The following CCDC91 variants were observed in gnomAD, a reference collection of about 807,000 sequenced individuals.
The protein encoded by CCDC91 is coiled-coil domain-containing protein 91.
Under a neutral mutation model 63.2 loss-of-function variants are expected in CCDC91, and 48 were observed. The ratio of observed to expected loss-of-function variants is 0.76; its 90% CI spans 0.60 to 0.97. The LOEUF (loss-of-function observed/expected upper bound fraction) is 0.97, where lower values mean the gene tolerates loss of function less well. Ranked by LOEUF, CCDC91 falls within the 50% of genes least tolerant of loss-of-function variation. The pLI is 0.00. For synonymous variants in CCDC91, 167 were observed against 165.8 expected, an observed-to-expected ratio of 1.01 and a Z score of -0.06; for missense variants, 500 against 494.6, an observed-to-expected ratio of 1.01 and a Z score of -0.10.
chr12:28,482,053 AC>A (rs1951475799), intron 11 of CCDC91, among the ~76,000 whole-genome samples: 2 of 151,896 alleles, frequency 1.3e-5, no homozygotes, highest in South Asian at 4.1e-4. Flanking sequence ...TTTGTAACTC[AC>A]CTGTTAGCAA....
chr12:28,251,895 T>C (rs1284789495), intron 1 of CCDC91, among the ~76,000 whole-genome samples: 2 of 152,160 alleles, frequency 1.3e-5, no homozygotes, highest in Non-Finnish European at 1.5e-5. Context: ...CTTTTCACTT[T>C]AGTTGGATCT....
intron 8 of CCDC91, among the ~76,000 whole-genome samples, chr12:28,397,952 G>A (rs542162452): frequency 6.6e-6 from 1 of 152,030 alleles, no homozygotes; most frequent in Non-Finnish European, 1.5e-5. Context: ...TATTCCCTTA[G>A]AGTTACAAGT....
Position 28,309,013 on chromosome 12 carries a change from C to A in CCDC91, c.576+1264C>A, listed in dbSNP as rs1006815250. ...GTTTACCCTCAGGTATTTATTTACACCAAGCTTTATAATAAGGTATAGGTG... is the reference window on the plus strand; with the variant it reads ...GTTTACCCTCAGGTATTTATTTACAACAAGCTTTATAATAAGGTATAGGTG... On this transcript the variant is annotated intron_variant, in intron 6 of 12. Transcript: ENST00000536442. 5.3e-5 allele frequency among the ~76,000 whole-genome samples: 8 copies of A among 151,922 alleles called. No individual in the cohort carries two copies. The East Asian group carries it at 1.2e-3, about 22-fold the overall frequency.
chr12:28,333,643 A>T (rs1326178252), intron 6 of CCDC91, among the ~76,000 whole-genome samples: 1 of 152,040 alleles, frequency 6.6e-6, no homozygotes, highest in Non-Finnish European at 1.5e-5. Flanking sequence ...CTTTCTAGAG[A>T]TACTCCTCAG....
At chr12:28,375,278 T>C (rs745474076) in intron 7 of CCDC91, among the ~76,000 whole-genome samples, 2 of 152,024 alleles carry the variant, frequency 1.3e-5, no homozygotes, top group Non-Finnish European at 2.9e-5. Flanking sequence ...TTAGGTATTA[T>C]CATTATCATT....
chr12:28,243,940 C>T (rs999104204), intron 1 of CCDC91, among the ~76,000 whole-genome samples: 1 of 152,202 alleles, frequency 6.6e-6, no homozygotes, highest in African/African-American at 2.4e-5. Flanking sequence ...ATAATCCTGA[C>T]ATCCAAATCA....
At chr12:28,401,148 T>A (rs1946597238) in intron 8 of CCDC91, among the ~76,000 whole-genome samples, 1 of 152,182 alleles carries the variant, frequency 6.6e-6, no homozygotes, top group Non-Finnish European at 1.5e-5. Flanking sequence ...GTTCGTTTCA[T>A]GCTGCTAATA....
intron 3 of CCDC91, among the ~76,000 whole-genome samples, chr12:28,279,972 C>G (rs921041534): frequency 1.1e-4 from 17 of 152,042 alleles, no homozygotes; most frequent in African/African-American, 4.1e-4. Flanking sequence ...TTAGATATAG[C>G]TCATATTTAT....
chr12:28,507,258 T>C (rs1938843653), intron 12 of CCDC91, among the ~76,000 whole-genome samples: 1 of 151,968 alleles, frequency 6.6e-6, no homozygotes, highest in African/African-American at 2.4e-5. Flanking sequence ...ATAATGAGCA[T>C]AATGTGGCTG....
At chr12:28,390,848 C>T (rs1945887322) in intron 7 of CCDC91, among the ~76,000 whole-genome samples, 1 of 151,902 alleles carries the variant, frequency 6.6e-6, no homozygotes, top group African/African-American at 2.4e-5. Context: ...CATGCTTGGC[C>T]CATGGGATAT....
intron 12 of CCDC91, among the ~76,000 whole-genome samples, chr12:28,490,832 T>C (rs1268584539): frequency 6.6e-6 from 1 of 151,852 alleles, no homozygotes. Context: ...TGTCTTGTTT[T>C]GCTCTTTTCA....
chr12:28,247,434 C>T (rs552738858), intron 1 of CCDC91, among the ~76,000 whole-genome samples: 1 of 148,506 alleles, frequency 6.7e-6, no homozygotes, highest in East Asian at 2.0e-4. Flanking sequence ...TAGCCGAGAC[C>T]GGGCCACTGC....
intron 12 of CCDC91, among the ~76,000 whole-genome samples, chr12:28,547,484 C>A (rs1943071128): frequency 6.6e-6 from 1 of 152,018 alleles, no homozygotes; most frequent in Admixed American, 6.6e-5. Context: ...GTGCCAGACC[C>A]CCTCTAGATG....
At chr12:28,308,134 C>CT (rs1475972349) in intron 6 of CCDC91, among the ~76,000 whole-genome samples, 1 of 151,864 alleles carries the variant, frequency 6.6e-6, no homozygotes, top group Non-Finnish European at 1.5e-5. Flanking sequence ...CCTAAATTTT[C>CT]TTATTTATTT....
intron 1 of CCDC91, among the ~76,000 whole-genome samples, chr12:28,202,571 C>G (rs761205254): frequency 1.6e-4 from 24 of 152,224 alleles, no homozygotes; most frequent in Non-Finnish European, 3.2e-4. Flanking sequence ...TGCTTGGAAG[C>G]AATGAGTCTC....
intron 12 of CCDC91, among the ~76,000 whole-genome samples, chr12:28,528,025 C>T (rs988850143): frequency 6.6e-6 from 1 of 152,194 alleles, no homozygotes; most frequent in African/African-American, 2.4e-5. Context: ...TGTTACCCAC[C>T]TCCCAGCTGT....
In CCDC91 at chr12:28,471,145, G is replaced by A. The variant is rs576988984; in HGVS notation, c.1102-12907G>A. Among the ~76,000 whole-genome samples the A allele has an allele frequency of 9.9e-5, 15 of 152,244 alleles. No individual in the cohort carries two copies. In the South Asian group the frequency reaches 3.1e-3, roughly 32 times the overall value. On this transcript the variant is annotated intron_variant, in intron 11 of 12. Transcript: ENST00000536442. ...AAGACATGAGTTTCTAGATAGACCT[G>A]TAACTAGGTTCATCATGAAATTTTT...
At chr12:28,415,317 A>G (rs1461156646) in intron 8 of CCDC91, among the ~76,000 whole-genome samples, 2 of 151,836 alleles carry the variant, frequency 1.3e-5, no homozygotes, top group Admixed American at 1.3e-4. Context: ...TCCACCTCCC[A>G]GGTTCAAGCA....
intron 3 of CCDC91, among the ~76,000 whole-genome samples, chr12:28,294,005 G>A (rs1332022437): frequency 1.3e-5 from 2 of 152,146 alleles, no homozygotes; most frequent in African/African-American, 4.8e-5. Context: ...TACTTGTGGA[G>A]TGGAGAATAT....
Sources: allele counts gnomAD v4.1 joint callset (sites outside exome capture counted in the v4.1 genomes callset), GRCh38; gene constraint gnomAD v4.1.1; transcripts MANE v1.5; gene names NCBI Gene and HGNC (gene_info 2026-07-23, HGNC 2026-07-21).